The following GBP5 variants were observed in gnomAD, a reference collection of about 807,000 sequenced individuals.
GBP5 encodes the protein guanylate binding protein 5.
In GBP5, 48 loss-of-function variants were observed where a neutral mutation model predicts 58.2. That is an observed-to-expected ratio of 0.83 (90% CI 0.65 to 1.05). The LOEUF (loss-of-function observed/expected upper bound fraction) is 1.05. Ranked by LOEUF, GBP5 falls within the 50% of genes least tolerant of loss-of-function variation. The pLI is 0.00. For missense variants in GBP5, 714 were observed against 686.8 expected, an observed-to-expected ratio of 1.04 and a Z score of -0.44; for synonymous variants, 248 against 251.8, an observed-to-expected ratio of 0.98 and a Z score of 0.14.
intron 6 of GBP5, 84 bp downstream of exon 6, chr1:89,266,873 C>T: frequency 1.1e-6 from 1 of 906,576 alleles, no homozygotes. Context: ...ATATAGAAAA[C>T]CATAAATTTA....
At position 89,260,536 on chromosome 1, in the gene GBP5, G is replaced by A; in HGVS notation, c.*168C>T. The A allele has an allele frequency of 3.6e-6, 2 of 562,020 alleles. No homozygotes were observed. The highest frequency in any genetic ancestry group is 1.9e-5 in the African/African-American group (1 of 53,344). The allele number at this position is 562,020 out of a possible 1,614,324, so 34.8% of individuals were successfully genotyped here. ...ATTTAAACTATTGGACTACTGGGAT[G>A]TACATTTTACCAGATACCAGCATCA... On this transcript the variant is annotated 3_prime_UTR_variant, in exon 12 of 12. Transcript: ENST00000370459.
In GBP5 at chr1:89,259,439, C is replaced by T. The variant is rs2100712835; in HGVS notation, c.*1265G>A. On this transcript the variant is annotated 3_prime_UTR_variant, in exon 12 of 12. Coordinates refer to ENST00000370459, the MANE Select transcript of GBP5 (RefSeq NM_052942.5). ...CAGTGCCAAGGAAACATCTCACTGT[C>T]CACAGAATAGCAGCCTCCACCCAGT... 1 of 152,296 alleles carries T rather than the reference C, an allele frequency of 6.6e-6. No homozygotes were observed. The highest frequency in any genetic ancestry group is 6.5e-5 in the Admixed American group (1 of 15,298). The allele number at this position is 152,296 out of a possible 1,614,324, so 9.4% of individuals were successfully genotyped here.
chr1:89,268,984 T>A (rs1195205605), intron 3 of GBP5, 128 bp from the exon 4 acceptor site: 1 of 889,722 alleles, frequency 1.1e-6, no homozygotes, highest in African/African-American at 1.7e-5. Flanking sequence ...AGTATTGATT[T>A]GAATGATGAT....
chr1:89,259,761 G>C lies in GBP5; in HGVS notation c.*943C>G, dbSNP rs1649927009. The C allele has an allele frequency of 6.6e-6, 1 of 152,076 alleles. No individual in the cohort carries two copies. The highest frequency in any genetic ancestry group is 1.9e-4 in the East Asian group (1 of 5,188). The allele number at this position is 152,076 out of a possible 1,614,324, so 9.4% of individuals were successfully genotyped here. ...TCCTGGTACCCTGAGCCAGGCGGGG[G>C]CAAAAACTGACAAACTGCAGGATGT... On this transcript the variant is annotated 3_prime_UTR_variant, in exon 12 of 12. Transcript: ENST00000370459.
At position 89,268,815 on chromosome 1, in the gene GBP5, T is replaced by C. The variant is rs765622378; in HGVS notation, c.232A>G (p.Ile78Val). ...GGATGAGGCACACACCATATCCAAA[T>C]TCCCTTGGTGTGAGACTGCACCGTA... is the stretch of plus-strand genomic sequence containing the variant. ...ASTVQSHTKG[I>V]WIWCVPHPNW... Residue 78 changes from isoleucine (I) to valine (V), a missense_variant, in exon 4 of 12, where the codon ATT (isoleucine) becomes GTT (valine). Transcript: ENST00000370459. 2 of 1,613,860 alleles carry C rather than the reference T, an allele frequency of 1.2e-6. No homozygotes were observed. The highest frequency in any genetic ancestry group is 1.7e-6 in the Non-Finnish European group (2 of 1,179,828).
rs1056388814 is a variant in GBP5, at chr1:89,268,200, A to G, written c.318+529T>C. ...AGAAAATAGTCAAGTGCTACAAATC[A>G]TGGTTGTTTTTGTTTTTGTTATTTT... On this transcript the variant is annotated intron_variant, in intron 4 of 11. Transcript: ENST00000370459. 3.3e-5 allele frequency among the ~76,000 whole-genome samples: 5 copies of G among 152,316 alleles called. No homozygotes were observed. In the South Asian group the frequency reaches 1.0e-3, roughly 32 times the overall value.
intron 1 of GBP5, chr1:89,272,218 T>C (rs1426414007): frequency 2.0e-5 from 3 of 152,210 alleles, no homozygotes; most frequent in East Asian, 1.9e-4. Flanking sequence ...AAAAATAATT[T>C]GAAGGCATTT....
chr1:89,268,962 G>C, intron 3 of GBP5, 106 bp from the exon 4 acceptor site: 1 of 1,114,032 alleles, frequency 9.0e-7, no homozygotes, highest in Non-Finnish European at 1.3e-6. Context: ...GGAGATAGCA[G>C]AATGTACAAC....
At chr1:89,266,669 A>G (rs781079393) in intron 6 of GBP5, 81 bp from the exon 7 acceptor site, 58 of 1,247,860 alleles carry the variant, frequency 4.6e-5, no homozygotes, top group Non-Finnish European at 6.2e-5. Context: ...ATGTCCTTCC[A>G]CCTGATGTCA....
intron 9 of GBP5, 35 bp downstream of exon 9, chr1:89,263,701 C>A: frequency 4.0e-6 from 6 of 1,486,534 alleles, no homozygotes; most frequent in South Asian, 1.1e-5. Context: ...AGAGGTCCCT[C>A]AGCAATTCTC....
chr1:89,267,503 C>G lies in GBP5; in HGVS notation c.342G>C (p.Gln114His), dbSNP rs367979299. The G allele has an allele frequency of 1.2e-6, 2 of 1,613,658 alleles. No homozygotes were observed. The highest frequency in any genetic ancestry group is 1.7e-6 in the Non-Finnish European group (2 of 1,179,588). ...TCAGTAAGAGTGCCAGTGCAAAGAT[C>G]TGGATATCATTCTTGTTGTCAGCCT... ...VEKADNKNDI[Q>H]IFALALLLSS... is the part of the protein sequence containing the mutation. Residue 114 changes from glutamine (Q) to histidine (H), a missense_variant, in exon 5 of 12, where the codon CAG (glutamine) becomes CAC (histidine). Gln to His is a conservative substitution (Grantham distance 24). Coordinates refer to ENST00000370459, the MANE Select transcript of GBP5 (RefSeq NM_052942.5).
Position 89,262,799 on chromosome 1 carries a change from A to T in GBP5, c.1363-14T>A. The T allele has an allele frequency of 6.8e-7, 1 of 1,467,810 alleles. No homozygotes were observed. The highest frequency in any genetic ancestry group is 9.3e-7 in the Non-Finnish European group (1 of 1,079,642). 90.9% of individuals were successfully genotyped at this position (1,467,810 alleles called of 1,614,324 possible). A position where few individuals can be genotyped will look rare whatever the true frequency, so the allele number is the denominator to read the frequency against. ...AACTTCTTCAGCCTAGCAACCCGGA[A>T]AACATGCAGTTAGATGCAGGAAATG... On this transcript the variant is annotated splice_polypyrimidine_tract_variant and intron_variant, in intron 9 of 11. Coordinates refer to ENST00000370459, the MANE Select transcript of GBP5 (RefSeq NM_052942.5).
At position 89,264,807 on chromosome 1, in the gene GBP5, A is replaced by T. The variant is rs1298290483; in HGVS notation, c.1028T>A (p.Leu343Gln). 1 of 1,614,174 alleles carries T rather than the reference A, an allele frequency of 6.2e-7. No individual in the cohort carries two copies. The highest frequency in any genetic ancestry group is 8.5e-7 in the Non-Finnish European group (1 of 1,180,018). Residue 343 changes from leucine to glutamine, a missense_variant, in exon 8 of 12, where the codon CTG (leucine) becomes CAG (glutamine). Transcript: ENST00000370459. Reference sequence around the variant, plus strand: ...CAGCTCCTGGAGGGTTTCCATGGGCAGCTGCACTTTCTGGCCCATTTGCTG... The same window carrying T: ...CAGCTCCTGGAGGGTTTCCATGGGCTGCTGCACTTTCTGGCCCATTTGCTG... Reference protein sequence around the residue: ...YDQQMGQKVQLPMETLQELLD... With the variant: ...YDQQMGQKVQQPMETLQELLD...
Position 89,264,844 on chromosome 1 carries a change from C to A in GBP5, c.991G>T (p.Ala331Ser). The change falls in exon 8 of 12, where the codon GCC becomes TCC. Residue 331 changes from alanine to serine, a missense_variant. Ala to Ser is a moderately conservative substitution (Grantham distance 99). Transcript: ENST00000370459. ...ENSAAVQKAI[A>S]HYDQQMGQKV... ...TGGCCCATTTGCTGGTCATAGTGGG[C>A]AATGGCCTTTTGCACTGCAGCTGAG... 6.2e-7 allele frequency: 1 copy of A among 1,614,170 alleles called. No individual in the cohort carries two copies. The highest frequency in any genetic ancestry group is 8.5e-7 in the Non-Finnish European group (1 of 1,180,040).
At chr1:89,266,016 G>A (rs1310160513) in intron 7 of GBP5, among the ~76,000 whole-genome samples, 1 of 152,188 alleles carries the variant, frequency 6.6e-6, no homozygotes, top group African/African-American at 2.4e-5. Context: ...TGTTCATCTT[G>A]TGCCTATCAA....
rs1186170920 is a variant in GBP5, at chr1:89,258,835, A to T, written c.*1869T>A. 1 of 152,170 alleles carries T rather than the reference A, an allele frequency of 6.6e-6. No homozygotes were observed. Among genetic ancestry groups the T allele is most frequent in the African/African-American group, 2.4e-5 (1 of 41,462 alleles). 9.4% of individuals were successfully genotyped at this position (152,170 alleles called of 1,614,324 possible). A position where few individuals can be genotyped will look rare whatever the true frequency, so the allele number is the denominator to read the frequency against. On this transcript the variant is annotated 3_prime_UTR_variant, in exon 12 of 12. Transcript: ENST00000370459. ...AAAGTAACAAAAAGTACATAAAAAG[A>T]TGTAATAAAGTGTGTTTTAATTCTA...
At chr1:89,265,096 G>C in intron 7 of GBP5, 130 bp from the exon 8 acceptor site, 1 of 842,798 alleles carries the variant, frequency 1.2e-6, no homozygotes. Flanking sequence ...CAGTAGTCAA[G>C]TGGCCCAAAT....
intron 7 of GBP5, among the ~76,000 whole-genome samples, chr1:89,265,647 G>A (rs1450803190): frequency 6.9e-6 from 1 of 145,592 alleles, no homozygotes; most frequent in Non-Finnish European, 1.5e-5. Context: ...AAAATGGTGA[G>A]AACCCAGGAG....
chr1:89,263,340 A>C (rs1650085017), intron 9 of GBP5: 1 of 174,922 alleles, frequency 5.7e-6, no homozygotes, highest in African/African-American at 2.4e-5. Context: ...GAATGCATCT[A>C]TACTTGAAAC....
Sources: allele counts gnomAD v4.1 joint callset (sites outside exome capture counted in the v4.1 genomes callset), GRCh38; gene constraint gnomAD v4.1.1; transcripts MANE v1.5; gene names NCBI Gene and HGNC (gene_info 2026-07-23, HGNC 2026-07-21).